ANKRD27: variants seen among roughly 807,000 people sequenced by gnomAD.
ANKRD27 encodes the protein ankyrin repeat domain-containing protein 27.
Under a neutral mutation model 129.7 loss-of-function variants are expected in ANKRD27, and 112 were observed. The observed-to-expected ratio is 0.86, with a 90% CI of 0.74 to 1.01. ANKRD27 has a LOEUF of 1.01. Ranked by LOEUF, ANKRD27 falls within the 50% of genes least tolerant of loss-of-function variation. ANKRD27 has a pLI of 0.00. For missense variants in ANKRD27, 1,258 were observed against 1,300.5 expected (o/e 0.97, Z 0.50); for synonymous variants, 516 against 511.2 (o/e 1.01, Z -0.13).
intron 16 of ANKRD27, 121 bp downstream of exon 16, chr19:32,626,591 G>A (rs567281575): frequency 1.3e-5 from 8 of 600,854 alleles, no homozygotes; most frequent in East Asian, 9.9e-5. Context: ...GGTGTGGAAC[G>A]AGGGGGGCAC....
At chr19:32,626,012 TG>T in intron 16 of ANKRD27, 46 bp from the exon 17 acceptor site, 1 of 1,501,300 alleles carries the variant, frequency 6.7e-7, no homozygotes. Context: ...GCCGGCTCCC[TG>T]GGAGGCCCGG....
chr19:32,652,953 G>A (rs914416059), intron 2 of ANKRD27, among the ~76,000 whole-genome samples: 1 of 152,056 alleles, frequency 6.6e-6, no homozygotes, highest in African/African-American at 2.4e-5. Context: ...GAAAAGAAAA[G>A]TCAAATAAAA....
At chr19:32,618,238 G>A (rs1971952278) in intron 20 of ANKRD27, among the ~76,000 whole-genome samples, 1 of 151,200 alleles carries the variant, frequency 6.6e-6, no homozygotes, top group Non-Finnish European at 1.5e-5. Flanking sequence ...TTTATCAGTG[G>A]AAAGGTGAGG....
intron 2 of ANKRD27, among the ~76,000 whole-genome samples, chr19:32,652,181 A>G (rs7250980): frequency 0.046 from 7,042 of 152,334 alleles, 560 homozygotes; most frequent in African/African-American, 0.16. Flanking sequence ...AGTTACCGGC[A>G]TAGACGAAGT....
chr19:32,620,979 G>C (rs1972002592), intron 18 of ANKRD27, among the ~76,000 whole-genome samples: 1 of 151,438 alleles, frequency 6.6e-6, no homozygotes, highest in South Asian at 2.1e-4. Context: ...ATGGTTTCAT[G>C]GATGTCCACT....
chr19:32,612,171 G>A (rs150984669), intron 22 of ANKRD27, among the ~76,000 whole-genome samples: 82 of 152,222 alleles, frequency 5.4e-4, no homozygotes, highest in Admixed American at 9.8e-4. Flanking sequence ...ACATGACACA[G>A]GCAGGATCTG....
intron 1 of ANKRD27, among the ~76,000 whole-genome samples, chr19:32,660,616 C>G (rs1967626420): frequency 6.6e-6 from 1 of 152,166 alleles, no homozygotes; most frequent in Non-Finnish European, 1.5e-5. Flanking sequence ...CAGGCCCTCC[C>G]CAGACATCCA....
At chr19:32,655,452 C>T (rs554079394) in intron 2 of ANKRD27, 1 of 152,350 alleles carries the variant, frequency 6.6e-6, no homozygotes, top group African/African-American at 2.4e-5. Flanking sequence ...GTGGGGCAAC[C>T]CTGGATGGCA....
chr19:32,603,799 A>C (rs897296303), intron 25 of ANKRD27, among the ~76,000 whole-genome samples: 1 of 152,148 alleles, frequency 6.6e-6, no homozygotes. Context: ...TTGGCCTCCC[A>C]AAGTGCTGGG....
At chr19:32,625,998 C>T in intron 16 of ANKRD27, 32 bp from the exon 17 acceptor site, 1 of 1,554,522 alleles carries the variant, frequency 6.4e-7, no homozygotes, top group Non-Finnish European at 8.7e-7. Context: ...ATGAGCAGGG[C>T]ACAGCCGGCT....
At chr19:32,614,466 G>A (rs1265355348) in intron 22 of ANKRD27, among the ~76,000 whole-genome samples, 1 of 152,074 alleles carries the variant, frequency 6.6e-6, no homozygotes, top group Non-Finnish European at 1.5e-5. Flanking sequence ...CACTTTGGGA[G>A]GCTGAGATGG....
At position 32,600,035 on chromosome 19, in the gene ANKRD27, T is replaced by C. The variant is rs770093544; in HGVS notation, c.2783A>G (p.Tyr928Cys). The C allele has an allele frequency of 1.2e-5, 19 of 1,612,452 alleles. No homozygotes were observed. The highest frequency in any genetic ancestry group is 1.7e-5 in the Admixed American group (1 of 59,916). ...KIRKKWNSKLYDLPDEPFTRQ... is the reference protein window; with the variant it reads ...KIRKKWNSKLCDLPDEPFTRQ... ...TGTAAAAGGCTCATCTGGTAGATCATACAGTTTTGAGTTCCCTGTAGATAA... is the reference window on the plus strand; with the variant it reads ...TGTAAAAGGCTCATCTGGTAGATCACACAGTTTTGAGTTCCCTGTAGATAA... Residue 928 changes from tyrosine (Y) to cysteine (C), a missense_variant, in exon 27 of 29, where the codon TAT becomes TGT. Physicochemically the swap from Tyr to Cys is radical, Grantham distance 194. Coordinates refer to ENST00000306065, the MANE Select transcript of ANKRD27 (RefSeq NM_032139.3).
chr19:32,642,832 C>G (rs1386694156), intron 9 of ANKRD27, among the ~76,000 whole-genome samples: 1 of 152,178 alleles, frequency 6.6e-6, no homozygotes, highest in Non-Finnish European at 1.5e-5. Context: ...CCCCTGCACG[C>G]AGAACCCACA....
chr19:32,614,549 C>CA (rs1431841739), intron 22 of ANKRD27, among the ~76,000 whole-genome samples: 1 of 151,846 alleles, frequency 6.6e-6, no homozygotes, highest in Non-Finnish European at 1.5e-5. Context: ...ACTAAAAATA[C>CA]AAAAAATTAG....
At chr19:32,614,203 G>A (rs544483432) in intron 22 of ANKRD27, among the ~76,000 whole-genome samples, 1 of 152,120 alleles carries the variant, frequency 6.6e-6, no homozygotes, top group South Asian at 2.1e-4. Flanking sequence ...GGCTTCACAG[G>A]TTTTACATCT....
chr19:32,613,853 C>T (rs35253775), intron 22 of ANKRD27, among the ~76,000 whole-genome samples: 5,730 of 151,956 alleles, frequency 0.038, 250 homozygotes, highest in African/African-American at 0.099. Context: ...GGACTAGAAG[C>T]GCCCGCCACC....
At chr19:32,620,852 C>T (rs73028624) in intron 18 of ANKRD27, among the ~76,000 whole-genome samples, 58,465 of 140,334 alleles carry the variant, frequency 0.42, 14,664 homozygotes, top group Non-Finnish European at 0.57. Context: ...CACCACTGTA[C>T]TCCAGTTTGG....
At chr19:32,601,183 T>C (rs545833206) in intron 26 of ANKRD27, among the ~76,000 whole-genome samples, 39 of 151,986 alleles carry the variant, frequency 2.6e-4, no homozygotes, top group South Asian at 8.3e-4. Flanking sequence ...CCTGTAATCC[T>C]AGCTACTCGG....
chr19:32,648,491 T>C (rs998287501), intron 3 of ANKRD27, among the ~76,000 whole-genome samples: 4 of 152,220 alleles, frequency 2.6e-5, no homozygotes, highest in African/African-American at 9.6e-5. Context: ...AAGGGCACAG[T>C]GCCTGCAACT....
Sources: allele counts gnomAD v4.1 joint callset (sites outside exome capture counted in the v4.1 genomes callset), GRCh38; gene constraint gnomAD v4.1.1; transcripts MANE v1.5; gene names NCBI Gene and HGNC (gene_info 2026-07-23, HGNC 2026-07-21).